PIP4K2B: variants seen among roughly 807,000 people sequenced by gnomAD.
PIP4K2B encodes phosphatidylinositol 5-phosphate 4-kinase type-2 beta.
A neutral mutation model predicts 42.0 loss-of-function variants in PIP4K2B; 3 were observed. The ratio of observed to expected loss-of-function variants is 0.07; its 90% CI spans 0.03 to 0.18. The LOEUF (loss-of-function observed/expected upper bound fraction) is 0.18, where lower values mean the gene tolerates loss of function less well. Ranked by LOEUF, PIP4K2B falls within the 10% of genes least tolerant of loss-of-function variation. The pLI, the probability that PIP4K2B is intolerant of heterozygous loss-of-function variation, is 1.00. For missense variants in PIP4K2B, 332 were observed against 562.3 expected (o/e 0.59, Z 4.14); for synonymous variants, 204 against 210.1 (o/e 0.97, Z 0.25).
At chr17:38,787,392 T>C (rs1423054480) in intron 1 of PIP4K2B, among the ~76,000 whole-genome samples, 1 of 152,170 alleles carries the variant, frequency 6.6e-6, no homozygotes, top group Non-Finnish European at 1.5e-5. Context: ...ACTCTCCACC[T>C]GATAAGGGCC....
At chr17:38,785,522 CA>C (rs1301728567) in intron 2 of PIP4K2B, among the ~76,000 whole-genome samples, 3 of 151,920 alleles carry the variant, frequency 2.0e-5, no homozygotes, top group Non-Finnish European at 1.5e-5. Context: ...ACTAAAAATA[CA>C]AAAAAATTAG....
chr17:38,780,204 G>A (rs1909617943), intron 4 of PIP4K2B, among the ~76,000 whole-genome samples: 1 of 152,230 alleles, frequency 6.6e-6, no homozygotes, highest in Non-Finnish European at 1.5e-5. Flanking sequence ...AAACGGGGCG[G>A]ATGCCAGTGC....
At chr17:38,797,524 G>C (rs927518828) in intron 1 of PIP4K2B, among the ~76,000 whole-genome samples, 1 of 152,194 alleles carries the variant, frequency 6.6e-6, no homozygotes, top group Non-Finnish European at 1.5e-5. Flanking sequence ...TAGACAATAA[G>C]CGACATCTCT....
intron 1 of PIP4K2B, among the ~76,000 whole-genome samples, chr17:38,789,782 T>TG (rs1166305967): frequency 1.3e-5 from 2 of 152,104 alleles, no homozygotes; most frequent in Non-Finnish European, 2.9e-5. Flanking sequence ...TTGAGAGGGA[T>TG]GCTGGGGGCA....
At chr17:38,789,977 G>A (rs1910259562) in intron 1 of PIP4K2B, among the ~76,000 whole-genome samples, 1 of 152,174 alleles carries the variant, frequency 6.6e-6, no homozygotes, top group Non-Finnish European at 1.5e-5. Flanking sequence ...AAAGGGACAT[G>A]AGAAGTGTGA....
rs746277519 is a variant in PIP4K2B at position 38,771,124 on chromosome 17, G to A, written c.956C>T (p.Ser319Phe). The change falls in exon 8 of 10, where the codon TCC (serine) becomes TTC (phenylalanine). Residue 319 changes from serine (S) to phenylalanine (F), a missense_variant. By Grantham distance (155) the Ser-to-Phe change is radical (BLOSUM62 -2). Transcript: ENST00000619039. The stretch of plus-strand genomic sequence containing the variant: ...AGGGCTGTCCGGAGGTGTGCCATAG[G>A]AGCAGAGTAGGTTGCCACCCACCCC... ...NDGVGGNLLC[S>F]YGTPPDSPGN... 6.2e-6 allele frequency: 10 copies of A among 1,613,982 alleles called. No individual in the cohort carries two copies. The African/African-American group carries it at 1.1e-4, about 17-fold the overall frequency.
At chr17:38,779,311 A>AGTTG (rs1909552863) in intron 5 of PIP4K2B, 72 bp downstream of exon 5, 1 of 1,431,768 alleles carries the variant, frequency 7.0e-7, no homozygotes, top group African/African-American at 1.4e-5. Flanking sequence ...ATTACATGGA[A>AGTTG]GTTGGAGTAG....
intron 1 of PIP4K2B, among the ~76,000 whole-genome samples, chr17:38,790,471 G>C (rs1466787515): frequency 6.6e-6 from 1 of 152,160 alleles, no homozygotes; most frequent in African/African-American, 2.4e-5. Context: ...CGGATCACGA[G>C]GTCAGAAGAT....
chr17:38,787,214 T>C (rs935096815), intron 1 of PIP4K2B, among the ~76,000 whole-genome samples: 1 of 152,102 alleles, frequency 6.6e-6, no homozygotes, highest in Admixed American at 6.5e-5. Context: ...TTTTTTGTAT[T>C]GTGTAGAGAC....
intron 2 of PIP4K2B, among the ~76,000 whole-genome samples, chr17:38,785,126 C>T (rs1376833942): frequency 6.6e-6 from 1 of 152,152 alleles, no homozygotes; most frequent in East Asian, 1.9e-4. Flanking sequence ...GCACCAATCT[C>T]CACCCTCCCA....
At chr17:38,779,120 C>T (rs1163774309) in intron 5 of PIP4K2B, among the ~76,000 whole-genome samples, 5 of 152,210 alleles carry the variant, frequency 3.3e-5, no homozygotes, top group Non-Finnish European at 4.4e-5. Context: ...AGCACGGCCT[C>T]CCTCACTGTG....
At position 38,777,715 on chromosome 17, in the gene PIP4K2B, A is replaced by T; in HGVS notation, c.779T>A (p.Phe260Tyr). 6.2e-7 allele frequency: 1 copy of T among 1,613,718 alleles called. No homozygotes were observed. Residue 260 changes from phenylalanine to tyrosine, a missense_variant, in exon 7 of 10, where the codon TTC becomes TAC. Phe to Tyr is a conservative substitution (Grantham distance 22). This residue lies in a region of PIP4K2B where 26 missense variants were observed against 23.7 expected (regional missense o/e 1.10). Transcript: ENST00000619039. ...AACGTCCCGCTTCAGTTTCTCCAGG[A>T]AGTTCTTTTTACTCTCCTCTCCCAC... ...LHVGEESKKNFLEKLKRDVEF... is the reference protein window; with the variant it reads ...LHVGEESKKNYLEKLKRDVEF...
At position 38,788,047 on chromosome 17, in the gene PIP4K2B, TG is replaced by T. The variant is rs573733858; in HGVS notation, c.160-1128del. On this transcript the variant is annotated intron_variant, in intron 1 of 9. Transcript: ENST00000619039. ...ATAGATAAATGTCTCCCAACCTAAG[TG>T]GGTATTAATTAAGGCCTTTGAATAT... 1.4e-3 allele frequency among the ~76,000 whole-genome samples: 212 copies of T among 152,180 alleles called. 2 individuals carry two copies. The highest frequency in any genetic ancestry group is 4.5e-3 in the African/African-American group (186 of 41,524).
chr17:38,772,385 C>T (rs1909095455), intron 7 of PIP4K2B, among the ~76,000 whole-genome samples: 1 of 152,112 alleles, frequency 6.6e-6, no homozygotes, highest in Non-Finnish European at 1.5e-5. Flanking sequence ...GCAGATTATC[C>T]CTTTGTGCAG....
chr17:38,785,850 C>A (rs1273936683), intron 2 of PIP4K2B, among the ~76,000 whole-genome samples: 1 of 152,202 alleles, frequency 6.6e-6, no homozygotes, highest in Non-Finnish European at 1.5e-5. Flanking sequence ...GCAATGCCCA[C>A]TTCGAGAACC....
At chr17:38,776,957 G>T (rs1909390786) in intron 7 of PIP4K2B, among the ~76,000 whole-genome samples, 1 of 152,164 alleles carries the variant, frequency 6.6e-6, no homozygotes, top group Non-Finnish European at 1.5e-5. Context: ...GAGCACAGTG[G>T]CATGATCACA....
chr17:38,779,426 A>G lies in PIP4K2B; in HGVS notation c.611T>C (p.Val204Ala). The stretch of plus-strand genomic sequence containing the variant: ...ATGCACAGTGAGCCGATGGCTGAAC[A>G]CGTTCCTGGTAACCACCATGTAGGT... ...VETYMVVTRNVFSHRLTVHRK... is the reference protein window; with the variant it reads ...VETYMVVTRNAFSHRLTVHRK... The change falls in exon 5 of 10, where the codon GTG (valine) becomes GCG (alanine). Residue 204 changes from valine to alanine, a missense_variant. Val to Ala is a moderately conservative substitution (Grantham distance 64). This residue lies in a region of PIP4K2B where 186 missense variants were observed against 288.4 expected (regional missense o/e 0.64). Coordinates refer to ENST00000619039, the MANE Select transcript of PIP4K2B (RefSeq NM_003559.5). 6.2e-7 allele frequency: 1 copy of G among 1,613,624 alleles called. No homozygotes were observed. The highest frequency in any genetic ancestry group is 8.5e-7 in the Non-Finnish European group (1 of 1,179,920).
intron 3 of PIP4K2B, among the ~76,000 whole-genome samples, chr17:38,783,834 C>A (rs1909843679): frequency 6.6e-6 from 1 of 152,232 alleles, no homozygotes; most frequent in South Asian, 2.1e-4. Context: ...CTCCTGACCT[C>A]AGGTGACCTA....
chr17:38,792,893 A>T (rs928164605), intron 1 of PIP4K2B: 1 of 152,068 alleles, frequency 6.6e-6, no homozygotes, highest in South Asian at 2.1e-4. Flanking sequence ...CTGCTAAAAG[A>T]AACTTCATTC....
Sources: gnomAD v4.1 joint callset for allele counts (sites outside exome capture counted in the v4.1 genomes callset) on GRCh38, gnomAD v4.1.1 for gene constraint, gnomAD v4.1.1 regional missense constraint, MANE v1.5 for transcripts, NCBI Gene and HGNC (gene_info 2026-07-23, HGNC 2026-07-21) for gene names.